The following SLC25A28 variants were observed in gnomAD, a reference collection of about 807,000 sequenced individuals.
The protein encoded by SLC25A28 is mitoferrin-2.
Under a neutral mutation model 31.9 loss-of-function variants are expected in SLC25A28, and 10 were observed. The ratio of observed to expected loss-of-function variants is 0.31; its 90% CI spans 0.19 to 0.53. The LOEUF (loss-of-function observed/expected upper bound fraction) is 0.53. Ranked by LOEUF, SLC25A28 falls within the 20% of genes least tolerant of loss-of-function variation. SLC25A28 has a pLI of 0.95. For synonymous variants in SLC25A28, 208 were observed against 203.6 expected, an observed-to-expected ratio of 1.02 and a Z score of -0.19; for missense variants, 256 against 490.3, an observed-to-expected ratio of 0.52 and a Z score of 4.51.
chr10:99,646,350 C>A, the SLC25A28 span, among the ~76,000 whole-genome samples: 1 of 152,222 alleles, frequency 6.6e-6, no homozygotes, highest in Non-Finnish European at 1.5e-5. Context: ...GGCGTGGGAC[C>A]CTCTAAGCCA....
rs1589993787 is a variant in SLC25A28, at chr10:99,613,422, A to G, written c.520+274T>C. 2 of 1,330,966 alleles carry G rather than the reference A, an allele frequency of 1.5e-6. No homozygotes were observed. The highest frequency in any genetic ancestry group is 3.2e-5 in the Admixed American group (1 of 31,584). 82.4% of individuals were successfully genotyped at this position (1,330,966 alleles called of 1,614,324 possible). A position where few individuals can be genotyped will look rare whatever the true frequency, so the allele number is the denominator to read the frequency against. ...CAGTGTGTCTCCACATTACCAGGGC[A>G]TTAGAAGTTGATGCCAGGGAGATGA... On this transcript the variant is annotated intron_variant, in intron 2 of 3. Transcript: ENST00000370495. This position sits in a 1 kb window ranked among gnomAD's most constrained non-coding sequence, Gnocchi z 4.9.
the SLC25A28 span, among the ~76,000 whole-genome samples, chr10:99,630,535 C>A: frequency 6.6e-6 from 1 of 152,148 alleles, no homozygotes; most frequent in Non-Finnish European, 1.5e-5. Flanking sequence ...CAGGTGGTCC[C>A]TGGACCACAT....
At position 99,610,618 on chromosome 10, in the gene SLC25A28, G is replaced by T. The variant is rs1238581041; in HGVS notation, c.*231C>A. On this transcript the variant is annotated 3_prime_UTR_variant, in exon 4 of 4. Transcript: ENST00000370495. ...GTCATCAGGCCCAGGATGGAGAGAGGTTATCAAAGGTGCTGTGGTGTGCTT... is the reference window on the plus strand; with the variant it reads ...GTCATCAGGCCCAGGATGGAGAGAGTTTATCAAAGGTGCTGTGGTGTGCTT... 7.1e-6 allele frequency: 4 copies of T among 563,824 alleles called. No individual in the cohort carries two copies. The highest frequency in any genetic ancestry group is 1.3e-5 in the Non-Finnish European group (4 of 315,258). The allele number at this position is 563,824 out of a possible 1,614,324, so 34.9% of individuals were successfully genotyped here.
intron 1 of SLC25A28, chr10:99,617,424 A>G: frequency 3.0e-6 from 3 of 985,416 alleles, no homozygotes; most frequent in Non-Finnish European, 3.6e-6. Flanking sequence ...GTCAGCTTTC[A>G]TTTGCAAACA....
At chr10:99,651,589 C>CGTTTCTTTTTT in the SLC25A28 span, among the ~76,000 whole-genome samples, 3 of 43,154 alleles carry the variant, frequency 7.0e-5, no homozygotes, top group Non-Finnish European at 5.2e-5. Context: ...TTGCCTTTTT[C>CGTTTCTTTTTT]TTTTCTTTTT....
the SLC25A28 span, chr10:99,652,298 G>A: frequency 6.6e-6 from 1 of 152,402 alleles, no homozygotes; most frequent in East Asian, 1.9e-4. Context: ...TACCCAGATA[G>A]GGACTGATTG....
chr10:99,646,593 G>C, the SLC25A28 span, among the ~76,000 whole-genome samples: 2 of 152,216 alleles, frequency 1.3e-5, no homozygotes, highest in Non-Finnish European at 2.9e-5. Flanking sequence ...GATGAACCCA[G>C]TACCTCAGTT....
chr10:99,625,047 G>A (rs943768777), upstream of SLC25A28, among the ~76,000 whole-genome samples: 14 of 151,222 alleles, frequency 9.3e-5, no homozygotes, highest in South Asian at 4.2e-4. Context: ...TAAAGATGGC[G>A]TGTCTGGAGT....
the SLC25A28 span, among the ~76,000 whole-genome samples, chr10:99,626,667 AT>A: frequency 6.6e-6 from 1 of 152,206 alleles, no homozygotes; most frequent in African/African-American, 2.4e-5. Flanking sequence ...AGTAGACTTC[AT>A]GTCTTTCCCT....
At position 99,610,918 on chromosome 10, in the gene SLC25A28, T is replaced by C; in HGVS notation, c.1026A>G (p.Ala342=). The change falls in exon 4 of 4, where the codon GCA becomes GCG. Residue 342 remains alanine, a synonymous_variant. Transcript: ENST00000370495. ...ATTTGAAGAACTCATACACAGACCA[T>C]GCGATGGCTGTGGAGGGGATCTGGT... is the stretch of plus-strand genomic sequence containing the variant. ...VIYQIPSTAI[A]WSVYEFFKYL... The C allele has an allele frequency of 3.1e-6, 5 of 1,614,186 alleles. No individual in the cohort carries two copies. The highest frequency in any genetic ancestry group is 4.2e-6 in the Non-Finnish European group (5 of 1,180,026).
At chr10:99,624,871 T>TA (rs2034854839), upstream of SLC25A28, among the ~76,000 whole-genome samples, 1 of 152,108 alleles carries the variant, frequency 6.6e-6, no homozygotes, top group Non-Finnish European at 1.5e-5. Context: ...TTATTGGTGA[T>TA]ATTCTTCACA....
rs1477274330 is a variant in SLC25A28, at chr10:99,611,124, C to T, written c.820G>A (p.Val274Ile). ...HVLSGACAGAVAAAATTPLDV... is the reference protein window; with the variant it reads ...HVLSGACAGAIAAAATTPLDV... ...AGTGGGGTTGTGGCTGCGGCAGCTA[C>T]AGCTCCTGCGCAAGCTCCAGAGAGG... Residue 274 changes from valine (V) to isoleucine (I), a missense_variant, in exon 4 of 4, where the codon GTA becomes ATA. By Grantham distance (29) the Val-to-Ile change is conservative. Around this residue, in one of 4 missense-constraint regions of SLC25A28, gnomAD observed 158 missense variants for 379.1 expected, o/e 0.42. Coordinates refer to ENST00000370495, the MANE Select transcript of SLC25A28 (RefSeq NM_031212.4). The surrounding 1 kb of genome is among the most constrained non-coding windows in gnomAD (Gnocchi z 5.5). 1.9e-6 allele frequency: 3 copies of T among 1,614,102 alleles called. No homozygotes were observed. Among genetic ancestry groups the T allele is most frequent in the Non-Finnish European group, 2.5e-6 (3 of 1,180,056 alleles).
rs748965669 is a variant in SLC25A28 at position 99,611,306 on chromosome 10, C to T, written c.638G>A (p.Arg213Gln). Residue 213 changes from arginine to glutamine, a missense_variant, in exon 4 of 4, where the codon CGG becomes CAG. By Grantham distance (43) the Arg-to-Gln change is conservative. This residue lies in a region of SLC25A28 where 158 missense variants were observed against 379.1 expected (regional missense o/e 0.42). Coordinates refer to ENST00000370495, the MANE Select transcript of SLC25A28 (RefSeq NM_031212.4). The surrounding 1 kb of genome is among the most constrained non-coding windows in gnomAD (Gnocchi z 5.5). The stretch of plus-strand genomic sequence containing the variant: ...GGCCCCTTCATTTTGCCACACTGCC[C>T]GTACACAGTCTGTCACCCGGTGGTA... ...SPYHRVTDCVRAVWQNEGAGA... is the reference protein window; with the variant it reads ...SPYHRVTDCVQAVWQNEGAGA... 18 of 1,614,062 alleles carry T rather than the reference C, an allele frequency of 1.1e-5. No homozygotes were observed. Among genetic ancestry groups the T allele is most frequent in the African/African-American group, 1.3e-5 (1 of 74,988 alleles).
At chr10:99,628,749 A>T in the SLC25A28 span, among the ~76,000 whole-genome samples, 3 of 152,230 alleles carry the variant, frequency 2.0e-5, no homozygotes, top group African/African-American at 7.2e-5. Context: ...TGAACCCGGG[A>T]GGCAGAGGTT....
chr10:99,615,846 T>G (rs2034639083), intron 1 of SLC25A28: 1 of 985,310 alleles, frequency 1.0e-6, no homozygotes, highest in Non-Finnish European at 1.2e-6. Context: ...AGCAATTGCA[T>G]TGCTCTGCTG....
chr10:99,656,769 A>G, the SLC25A28 span, among the ~76,000 whole-genome samples: 1 of 152,274 alleles, frequency 6.6e-6, no homozygotes, highest in Admixed American at 6.5e-5. Flanking sequence ...TTTAAAGAGC[A>G]GTTAAAAACC....
the SLC25A28 span, among the ~76,000 whole-genome samples, chr10:99,651,427 A>G: frequency 4.6e-5 from 7 of 152,104 alleles, no homozygotes; most frequent in East Asian, 9.7e-4. Flanking sequence ...CTTTCTCATT[A>G]TTTAATTTTG....
At chr10:99,624,754 G>A (rs2034853000), upstream of SLC25A28, among the ~76,000 whole-genome samples, 1 of 152,206 alleles carries the variant, frequency 6.6e-6, no homozygotes, top group East Asian at 1.9e-4. Context: ...AGAATCACTT[G>A]AACCCGGGAT....
At chr10:99,619,002 CCCCTCTAG>C in intron 1 of SLC25A28, 1 of 985,392 alleles carries the variant, frequency 1.0e-6, no homozygotes. Context: ...TATCAACAGT[CCCCTCTAG>C]TTTACCTCTC....
Sources: gnomAD v4.1 joint callset for allele counts (sites outside exome capture counted in the v4.1 genomes callset) on GRCh38, gnomAD v4.1.1 for gene constraint, gnomAD v4.1.1 regional missense constraint, Gnocchi (gnomAD v3.1) non-coding constraint, MANE v1.5 for transcripts, NCBI Gene and HGNC (gene_info 2026-07-23, HGNC 2026-07-21) for gene names.